Variants in ZBED6 observed in about 807,000 individuals in gnomAD.
ZBED6 encodes the protein zinc finger BED domain-containing protein 6.
In ZBED6, 40 loss-of-function variants were observed where a neutral mutation model predicts 58.4. The observed-to-expected ratio is 0.68, with a 90% confidence interval of 0.53 to 0.89. ZBED6 has a LOEUF of 0.89. Ranked by LOEUF, ZBED6 falls within the 40% of genes least tolerant of loss-of-function variation. The probability of loss-of-function intolerance (pLI) is 0.00; values close to 1 mark genes in which losing one functional copy is unlikely to be tolerated. For missense variants in ZBED6, 1,057 were observed against 1,003.9 expected (o/e 1.05, Z -0.71); for synonymous variants, 439 against 350.6 (o/e 1.25, Z -2.82).
chr1:203,823,854 T>C (rs1679593675), intron 3 of ZBED6, among the ~76,000 whole-genome samples: 1 of 152,250 alleles, frequency 6.6e-6, no homozygotes, highest in East Asian at 1.9e-4. Flanking sequence ...ACATTCATAC[T>C]GTAGAGTGCC....
intron 2 of ZBED6, 150 bp from the exon 3 acceptor site, chr1:203,818,420 G>A (rs1677107096): frequency 9.6e-7 from 1 of 1,043,688 alleles, no homozygotes; most frequent in African/African-American, 1.6e-5. Context: ...CTCTCGGTTT[G>A]TTCCTGTCAT....
exon 1 of ZBED6, chr1:203,796,403 T>G (rs1668516931): frequency 3.5e-5 from 14 of 398,936 alleles, no homozygotes; most frequent in Non-Finnish European, 4.0e-5. Flanking sequence ...CCCCTGGCCC[T>G]CAGCGTCGGA....
At chr1:203,838,689 G>A (rs1685122770) in intron 10 of ZBED6, among the ~76,000 whole-genome samples, 1 of 152,202 alleles carries the variant, frequency 6.6e-6, no homozygotes, top group African/African-American at 2.4e-5. Flanking sequence ...GGTAGGTCAT[G>A]CCTGTAATCC....
At position 203,826,012 on chromosome 1, in the gene ZBED6, G is replaced by A. The variant is rs901737686; in HGVS notation, c.*2874-2287G>A. Among the ~76,000 whole-genome samples, 45 of 152,150 alleles carry A rather than the reference G, an allele frequency of 3.0e-4. 1 individual carries two copies. The highest frequency in any genetic ancestry group is 1.1e-3 in the African/African-American group (44 of 41,428). On this transcript the variant is annotated intron_variant, in intron 3 of 16. Transcript: ENST00000550078. Reference sequence around the variant, plus strand: ...AAGATACTGTTACAGAAGTCATTCAGTAATTTGAAAATTGCTTCCAGGAAA... The same window carrying A: ...AAGATACTGTTACAGAAGTCATTCAATAATTTGAAAATTGCTTCCAGGAAA...
At chr1:203,849,105 G>A (rs1020070717) in intron 13 of ZBED6, among the ~76,000 whole-genome samples, 1 of 152,138 alleles carries the variant, frequency 6.6e-6, no homozygotes, top group African/African-American at 2.4e-5. Flanking sequence ...GAGTGGTCTC[G>A]AACTTCTGGC....
chr1:203,820,850 A>G (rs1678398141), intron 3 of ZBED6, among the ~76,000 whole-genome samples: 1 of 152,126 alleles, frequency 6.6e-6, no homozygotes, highest in Admixed American at 6.5e-5. Flanking sequence ...GTTAACTTTG[A>G]TCACTCAATT....
intron 9 of ZBED6, chr1:203,834,183 G>A: frequency 1.6e-6 from 1 of 621,642 alleles, no homozygotes; most frequent in Non-Finnish European, 2.0e-6. Flanking sequence ...AATATAATGT[G>A]TGTCTCTTAG....
chr1:203,835,836 G>A (rs566800412), intron 9 of ZBED6: 11 of 243,610 alleles, frequency 4.5e-5, no homozygotes, highest in Admixed American at 3.5e-4. Context: ...TTTAAGAAAA[G>A]CTATGTGCTC....
intron 11 of ZBED6, among the ~76,000 whole-genome samples, chr1:203,842,254 G>C (rs1195027183): frequency 6.6e-6 from 1 of 152,196 alleles, no homozygotes; most frequent in African/African-American, 2.4e-5. Context: ...AGGCGGCTGG[G>C]AGGTGGAGGT....
At chr1:203,852,437 A>G (rs541325172) in exon 17 of ZBED6, 1 of 1,604,240 alleles carries the variant, frequency 6.2e-7, no homozygotes, top group East Asian at 2.2e-5. Flanking sequence ...AAAATCGCCA[A>G]AAAACTGGAC....
At chr1:203,801,373 A>G (rs1571898017) in exon 1 of ZBED6, 1 of 152,154 alleles carries the variant, frequency 6.6e-6, no homozygotes, top group African/African-American at 2.4e-5. Context: ...AATGAAAACT[A>G]AGCAGTCGGT....
chr1:203,811,335 A>C (rs1306340714), intron 1 of ZBED6, among the ~76,000 whole-genome samples: 1 of 152,068 alleles, frequency 6.6e-6, no homozygotes, highest in Non-Finnish European at 1.5e-5. Flanking sequence ...AAATAAATAA[A>C]ATTAGTTGCC....
At chr1:203,831,876 G>T (rs1029223718) in intron 8 of ZBED6, 105 bp downstream of exon 8, 29 of 879,020 alleles carry the variant, frequency 3.3e-5, no homozygotes, top group Middle Eastern at 2.2e-4. Flanking sequence ...TCAGGAATTT[G>T]TTAGTATGCT....
chr1:203,853,174 C>T (rs2785995), exon 17 of ZBED6: 1 of 151,712 alleles, frequency 6.6e-6, no homozygotes, highest in South Asian at 2.1e-4. Context: ...TGAAAATTGT[C>T]CTTTTTCTTC....
exon 1 of ZBED6, chr1:203,801,057 A>G (rs1026758689): frequency 6.6e-6 from 1 of 152,354 alleles, no homozygotes; most frequent in Middle Eastern, 3.4e-3. Context: ...GGGAAATATT[A>G]GAAAACAATT....
intron 3 of ZBED6, among the ~76,000 whole-genome samples, chr1:203,828,019 G>A (rs911454635): frequency 6.0e-5 from 9 of 150,666 alleles, no homozygotes; most frequent in Admixed American, 5.5e-4. Flanking sequence ...TTAAACTACT[G>A]TATCATCCTG....
intron 13 of ZBED6, among the ~76,000 whole-genome samples, chr1:203,849,319 CAAG>C (rs1688716065): frequency 6.6e-6 from 1 of 152,236 alleles, no homozygotes; most frequent in South Asian, 2.1e-4. Flanking sequence ...AATAATTCTT[CAAG>C]AAGTTTGTTT....
At chr1:203,817,206 G>C in intron 2 of ZBED6, 82 bp downstream of exon 2, 1 of 1,196,718 alleles carries the variant, frequency 8.4e-7, no homozygotes, top group Non-Finnish European at 1.2e-6. Flanking sequence ...ATTTTAAGTT[G>C]TTTTTATTAT....
exon 17 of ZBED6, chr1:203,852,162 G>T: frequency 6.2e-7 from 1 of 1,613,322 alleles, no homozygotes; most frequent in Non-Finnish European, 8.5e-7. Flanking sequence ...CTCCAACCCA[G>T]TCCTCTTCAG....
Sources: allele counts gnomAD v4.1 joint callset (sites outside exome capture counted in the v4.1 genomes callset), GRCh38; gene constraint gnomAD v4.1.1; transcripts MANE v1.5; gene names NCBI Gene and HGNC (gene_info 2026-07-23, HGNC 2026-07-21).